WDR4: variants seen among roughly 807,000 people sequenced by gnomAD.
WDR4 encodes WDR4 tRNA N7-guanosine methyltransferase non-catalytic subunit.
WDR4 carries 47 observed loss-of-function variants against 48.6 expected under a neutral mutation model. The ratio of observed to expected loss-of-function variants is 0.97; its 90% confidence interval spans 0.77 to 1.23. The LOEUF is 1.23. WDR4 is among the 50% of genes most tolerant of loss of function. The pLI is 0.00. For missense variants in WDR4, 606 were observed against 551.6 expected (o/e 1.10, Z -0.99); for synonymous variants, 268 against 230.0 (o/e 1.17, Z -1.49).
chr21:42,865,582 C>T (rs777284252), intron 3 of WDR4, among the ~76,000 whole-genome samples: 32 of 152,308 alleles, frequency 2.1e-4, no homozygotes, highest in Admixed American at 5.2e-4. Context: ...CTGGGCTTAT[C>T]CTGGCACCGA....
chr21:42,868,479 G>A (rs2058298580), intron 3 of WDR4, among the ~76,000 whole-genome samples: 1 of 152,146 alleles, frequency 6.6e-6, no homozygotes, highest in Non-Finnish European at 1.5e-5. Context: ...CACCAGCCAG[G>A]CCTACGGCAC....
intron 3 of WDR4, among the ~76,000 whole-genome samples, chr21:42,865,051 CTA>C (rs1356882978): frequency 6.6e-6 from 1 of 152,254 alleles, no homozygotes; most frequent in South Asian, 2.1e-4. Context: ...AATGAGGCCC[CTA>C]TGTTTCTCTC....
At chr21:42,891,822 T>TG in the WDR4 span, among the ~76,000 whole-genome samples, 1 of 151,690 alleles carries the variant, frequency 6.6e-6, no homozygotes. Context: ...CCGGGCGTGG[T>TG]GGCTCATGCC....
At chr21:42,866,475 ATGG>A (rs1361643803) in intron 3 of WDR4, among the ~76,000 whole-genome samples, 1 of 152,146 alleles carries the variant, frequency 6.6e-6, no homozygotes, top group Non-Finnish European at 1.5e-5. Flanking sequence ...CTAAAACTGA[ATGG>A]AGGTGGATGT....
the WDR4 span, among the ~76,000 whole-genome samples, chr21:42,889,286 T>G: frequency 2.6e-5 from 4 of 151,936 alleles, no homozygotes; most frequent in Admixed American, 2.6e-4. Context: ...CCTGGCCAAT[T>G]TTTGGTTTTT....
chr21:42,885,843 A>T, the WDR4 span, among the ~76,000 whole-genome samples: 4 of 152,022 alleles, frequency 2.6e-5, no homozygotes, highest in African/African-American at 9.7e-5. Context: ...CTACAGGTGT[A>T]CATGACCATG....
chr21:42,890,049 T>C, the WDR4 span, among the ~76,000 whole-genome samples: 1 of 151,456 alleles, frequency 6.6e-6, no homozygotes, highest in South Asian at 2.1e-4. Flanking sequence ...GCCACTGCAC[T>C]CCAGCCTGGG....
chr21:42,891,806 A>G, the WDR4 span, among the ~76,000 whole-genome samples: 1 of 151,930 alleles, frequency 6.6e-6, no homozygotes, highest in African/African-American at 2.4e-5. Context: ...AAAATACAAA[A>G]ATTAGCCGGG....
At chr21:42,875,327 G>A (rs1266634246) in intron 2 of WDR4, among the ~76,000 whole-genome samples, 2 of 152,114 alleles carry the variant, frequency 1.3e-5, no homozygotes, top group African/African-American at 4.8e-5. Flanking sequence ...CAAGGCAGGT[G>A]GATCACGAGG....
rs1416624945 is a variant in WDR4 at position 42,879,387 on chromosome 21, C to G, written c.89+20G>C. ...CGCCCGCAGCCTGGTCTCCCTGTTC[C>G]AAGACCAAGGCCCCCTCACCTGCTT... On this transcript the variant is annotated intron_variant, in intron 1 of 10. Coordinates refer to ENST00000398208, the MANE Select transcript of WDR4 (RefSeq NM_018669.6). The G allele has an allele frequency of 1.2e-6, 2 of 1,612,414 alleles. No individual in the cohort carries two copies. The highest frequency in any genetic ancestry group is 1.7e-5 in the Admixed American group (1 of 59,924).
chr21:42,843,647 C>G (rs990214028), intron 11 of WDR4, among the ~76,000 whole-genome samples: 2 of 151,834 alleles, frequency 1.3e-5, no homozygotes, highest in Non-Finnish European at 2.9e-5. Context: ...GATCTCGGCT[C>G]ACTGCAACCT....
chr21:42,873,406 C>T lies in WDR4; in HGVS notation c.296+145G>A, dbSNP rs2058416696. The T allele has an allele frequency of 9.2e-6, 11 of 1,191,836 alleles. No homozygotes were observed. The East Asian group carries it at 2.6e-4, about 28-fold the overall frequency. 73.8% of individuals were successfully genotyped at this position (1,191,836 alleles called of 1,614,324 possible). ...CAGATCAGCCAACACACATGTGGCACTGAAAGTGGTGTCTGGCACTGAACT... is the reference window on the plus strand; with the variant it reads ...CAGATCAGCCAACACACATGTGGCATTGAAAGTGGTGTCTGGCACTGAACT... On this transcript the variant is annotated intron_variant, in intron 3 of 10. Transcript: ENST00000398208.
chr21:42,848,425 AGCGCACAATCACGCG>A (rs1569308292), downstream of WDR4, among the ~76,000 whole-genome samples: 1 of 116,346 alleles, frequency 8.6e-6, no homozygotes, highest in African/African-American at 3.5e-5. Context: ...TCACTCACAC[AGCGCACAATCACGCG>A]GCGCGCACCT....
chr21:42,865,262 A>C (rs1039308634), intron 3 of WDR4, among the ~76,000 whole-genome samples: 1 of 152,232 alleles, frequency 6.6e-6, no homozygotes, highest in African/African-American at 2.4e-5. Context: ...AAGATTAATC[A>C]GAATTCTCAG....
downstream of WDR4, among the ~76,000 whole-genome samples, chr21:42,844,809 C>A (rs778806128): frequency 2.6e-5 from 4 of 152,224 alleles, no homozygotes; most frequent in Non-Finnish European, 4.4e-5. Flanking sequence ...GGTGAATGAA[C>A]CTGGGTGTTG....
In WDR4 at chr21:42,879,212, C is replaced by T. The variant is rs963684830; in HGVS notation, c.89+195G>A. 14 of 1,326,820 alleles carry T rather than the reference C, an allele frequency of 1.1e-5. No individual in the cohort carries two copies. In the East Asian group the frequency reaches 1.2e-4, roughly 11 times the overall value. The allele number at this position is 1,326,820 out of a possible 1,614,324, so 82.2% of individuals were successfully genotyped here. A position where few individuals can be genotyped will look rare whatever the true frequency, so the allele number is the denominator to read the frequency against. Reference sequence around the variant, plus strand: ...CCGGGGAGCGGACGCCGAGAGCGGACGGCGAAAGCGGACCCTCCAGGCGCA... The same window carrying T: ...CCGGGGAGCGGACGCCGAGAGCGGATGGCGAAAGCGGACCCTCCAGGCGCA... On this transcript the variant is annotated intron_variant, in intron 1 of 10. Coordinates refer to ENST00000398208, the MANE Select transcript of WDR4 (RefSeq NM_018669.6).
At chr21:42,865,607 T>G (rs8128343) in intron 3 of WDR4, among the ~76,000 whole-genome samples, 91,326 of 151,988 alleles carry the variant, frequency 0.6, 28,210 homozygotes, top group African/African-American at 0.71. Flanking sequence ...AGGACGCAGC[T>G]GAGCCTTACT....
At chr21:42,890,849 A>G in the WDR4 span, among the ~76,000 whole-genome samples, 30 of 152,250 alleles carry the variant, frequency 2.0e-4, no homozygotes, top group African/African-American at 7.2e-4. Context: ...GCAGCACCTT[A>G]TATTTGCTTC....
chr21:42,891,607 A>C, the WDR4 span, among the ~76,000 whole-genome samples: 19,697 of 151,864 alleles, frequency 0.13, 1,274 homozygotes, highest in South Asian at 0.24. Context: ...AGCACACCTC[A>C]CAAAGGCGAG....
Sources: gnomAD v4.1 joint callset for allele counts (sites outside exome capture counted in the v4.1 genomes callset) on GRCh38, gnomAD v4.1.1 for gene constraint, MANE v1.5 for transcripts, NCBI Gene and HGNC (gene_info 2026-07-23, HGNC 2026-07-21) for gene names.